The following SPAG17 variants were observed in gnomAD, a reference collection of about 807,000 sequenced individuals.
The protein encoded by SPAG17 is sperm-associated antigen 17.
A neutral mutation model predicts 273.6 loss-of-function variants in SPAG17; 169 were observed. The observed-to-expected ratio is 0.62, with a 90% CI of 0.55 to 0.70. The LOEUF (loss-of-function observed/expected upper bound fraction) is 0.70, where lower values mean the gene tolerates loss of function less well. SPAG17 is among the 30% of genes least tolerant of loss of function. The pLI, the probability that SPAG17 is intolerant of heterozygous loss-of-function variation, is 0.00. For synonymous variants in SPAG17, 825 were observed against 873.2 expected, an observed-to-expected ratio of 0.94 and a Z score of 0.97; for missense variants, 2,557 against 2,627.8, an observed-to-expected ratio of 0.97 and a Z score of 0.59.
intron 3 of SPAG17, among the ~76,000 whole-genome samples, chr1:118,116,082 G>A (rs1160611867): frequency 6.6e-6 from 1 of 152,100 alleles, no homozygotes; most frequent in African/African-American, 2.4e-5. Flanking sequence ...CAGCTGTATT[G>A]TCCAGATGTG....
At chr1:118,011,738 A>C (rs1390572638) in intron 30 of SPAG17, among the ~76,000 whole-genome samples, 1 of 152,010 alleles carries the variant, frequency 6.6e-6, no homozygotes, top group African/African-American at 2.4e-5. Flanking sequence ...TGAATACATA[A>C]ATAAAACACA....
At chr1:117,967,856 A>G (rs1232556048) in intron 46 of SPAG17, among the ~76,000 whole-genome samples, 2 of 152,246 alleles carry the variant, frequency 1.3e-5, no homozygotes, top group Admixed American at 6.5e-5. Context: ...ACAGTTATCT[A>G]GAAAAAAATA....
At chr1:118,145,253 T>G (rs1273913) in intron 3 of SPAG17, among the ~76,000 whole-genome samples, 38,153 of 152,202 alleles carry the variant, frequency 0.25, 5,219 homozygotes, top group East Asian at 0.46. Context: ...CTTACAATTC[T>G]ATTAAATTGA....
chr1:118,177,578 A>G (rs141355226), intron 1 of SPAG17, among the ~76,000 whole-genome samples: 277 of 152,320 alleles, frequency 1.8e-3, no homozygotes, highest in Admixed American at 3.2e-3. Context: ...AATAAAGATC[A>G]GAGAAGAAAT....
At chr1:118,075,843 T>C (rs1372958822) in intron 15 of SPAG17, among the ~76,000 whole-genome samples, 1 of 152,118 alleles carries the variant, frequency 6.6e-6, no homozygotes, top group African/African-American at 2.4e-5. Flanking sequence ...CTGTTCACCT[T>C]TTTCAGACCC....
intron 23 of SPAG17, 33 bp downstream of exon 23, chr1:118,039,259 T>C (rs749001368): frequency 2.5e-6 from 4 of 1,602,820 alleles, no homozygotes; most frequent in Non-Finnish European, 3.4e-6. Context: ...GGAGTATTAG[T>C]CAGAAGAAAG....
Position 118,181,931 on chromosome 1 carries a change from C to T in SPAG17, c.87+3140G>A, listed in dbSNP as rs139445137. 6.3e-3 allele frequency among the ~76,000 whole-genome samples: 953 copies of T among 152,180 alleles called. 17 individuals carry two copies. Among genetic ancestry groups the T allele is most frequent in the African/African-American group, 0.022 (914 of 41,514 alleles). On this transcript the variant is annotated intron_variant, in intron 1 of 48. Transcript: ENST00000336338. ...AGGAGTTTGAGATCAGCCTGGGCCACACAGACCCCGTCTCAAAACAAAATT... is the reference window on the plus strand; with the variant it reads ...AGGAGTTTGAGATCAGCCTGGGCCATACAGACCCCGTCTCAAAACAAAATT...
chr1:118,153,759 G>GA (rs1659510246), intron 1 of SPAG17, among the ~76,000 whole-genome samples: 1 of 152,036 alleles, frequency 6.6e-6, no homozygotes, highest in Admixed American at 6.5e-5. Context: ...TGAGGCAGGA[G>GA]AATGGCATGA....
chr1:117,987,507 T>A (rs1656555505), intron 40 of SPAG17, among the ~76,000 whole-genome samples: 1 of 152,192 alleles, frequency 6.6e-6, no homozygotes, highest in African/African-American at 2.4e-5. Context: ...ATTCCTCCTG[T>A]GAATTATAAG....
intron 1 of SPAG17, among the ~76,000 whole-genome samples, chr1:118,154,984 C>G (rs1284667129): frequency 6.6e-6 from 1 of 152,096 alleles, no homozygotes; most frequent in African/African-American, 2.4e-5. Flanking sequence ...GGGTCTGGGT[C>G]TGTCACACCG....
chr1:118,006,066 G>T (rs1474870220), intron 31 of SPAG17, among the ~76,000 whole-genome samples: 2 of 152,264 alleles, frequency 1.3e-5, no homozygotes, highest in African/African-American at 2.4e-5. Context: ...TTAAGTAATA[G>T]ACTTCATGTA....
intron 30 of SPAG17, among the ~76,000 whole-genome samples, chr1:118,010,885 C>A (rs887341768): frequency 2.0e-5 from 3 of 151,988 alleles, no homozygotes; most frequent in African/African-American, 4.8e-5. Flanking sequence ...AAGCAAAAAA[C>A]CAAACAACCC....
chr1:118,036,913 T>C, intron 23 of SPAG17, 30 bp from the exon 24 acceptor site: 1 of 1,428,938 alleles, frequency 7.0e-7, no homozygotes, highest in Non-Finnish European at 9.6e-7. Flanking sequence ...CAAGAACATT[T>C]TCATTTAATT....
chr1:118,144,239 C>T (rs1280699625), intron 3 of SPAG17, among the ~76,000 whole-genome samples: 2 of 152,204 alleles, frequency 1.3e-5, no homozygotes, highest in Non-Finnish European at 2.9e-5. Context: ...ACCTTCTGCC[C>T]CTCAGTGACT....
intron 29 of SPAG17, 51 bp downstream of exon 29, chr1:118,015,914 C>T (rs749643015): frequency 6.5e-7 from 1 of 1,534,426 alleles, no homozygotes; most frequent in South Asian, 1.1e-5. Context: ...GGTGTTGTTT[C>T]AGAATACTAA....
chr1:118,147,791 A>G (rs1489114627), intron 3 of SPAG17, among the ~76,000 whole-genome samples: 1 of 152,228 alleles, frequency 6.6e-6, no homozygotes, highest in Non-Finnish European at 1.5e-5. Flanking sequence ...GGTCTTTGCT[A>G]GCCCAGACAT....
At position 118,081,224 on chromosome 1, in the gene SPAG17, G is replaced by T; in HGVS notation, c.2086C>A (p.Gln696Lys). Residue 696 changes from glutamine (Q) to lysine (K), a missense_variant, in exon 15 of 49, where the codon CAG becomes AAG. Physicochemically the swap from Gln to Lys is moderately conservative, Grantham distance 53. Transcript: ENST00000336338. ...TGCTTCATATTGTTAGCATCACACT[G>T]ACTAGGATCTGAAGGTTCTCGGTTG... Reference protein sequence around the residue: ...ESNREPSDPSQCDANNMKHSD... With the variant: ...ESNREPSDPSKCDANNMKHSD... The T allele has an allele frequency of 6.2e-7, 1 of 1,613,978 alleles. No homozygotes were observed. Among genetic ancestry groups the T allele is most frequent in the South Asian group, 1.1e-5 (1 of 91,046 alleles).
At chr1:118,172,700 T>A (rs1660474748) in intron 1 of SPAG17, among the ~76,000 whole-genome samples, 1 of 152,204 alleles carries the variant, frequency 6.6e-6, no homozygotes, top group Admixed American at 6.5e-5. Flanking sequence ...AAGGCCCATA[T>A]TTTAATGAAA....
chr1:118,077,284 C>A (rs1476781312), intron 15 of SPAG17, among the ~76,000 whole-genome samples: 6 of 152,088 alleles, frequency 3.9e-5, no homozygotes, highest in Non-Finnish European at 8.8e-5. Flanking sequence ...ATGCCCTCCC[C>A]CTTTCAAATG....
Sources: gnomAD v4.1 joint callset for allele counts (sites outside exome capture counted in the v4.1 genomes callset) on GRCh38, gnomAD v4.1.1 for gene constraint, MANE v1.5 for transcripts, NCBI Gene and HGNC (gene_info 2026-07-23, HGNC 2026-07-21) for gene names.